RIMS2: variants seen among roughly 807,000 people sequenced by gnomAD.
RIMS2 encodes the protein regulating synaptic membrane exocytosis 2.
RIMS2 carries 59 observed loss-of-function variants against 174.4 expected under a neutral mutation model. The ratio of observed to expected loss-of-function variants is 0.34; its 90% CI spans 0.27 to 0.42. The LOEUF (loss-of-function observed/expected upper bound fraction) is 0.42. RIMS2 is among the 10% of genes least tolerant of loss of function. The pLI, the probability that RIMS2 is intolerant of heterozygous loss-of-function variation, is 1.00. For missense variants in RIMS2, 1,620 were observed against 1,666.3 expected (o/e 0.97, Z 0.48); for synonymous variants, 606 against 572.5 (o/e 1.06, Z -0.84).
intron 4 of RIMS2, among the ~76,000 whole-genome samples, chr8:103,895,399 C>G (rs961792016): frequency 1.3e-5 from 2 of 151,406 alleles, no homozygotes; most frequent in African/African-American, 4.9e-5. Context: ...AGTGGGGGCC[C>G]TCTTTCCAAG....
chr8:104,037,809 G>A (rs1217340882), intron 19 of RIMS2, among the ~76,000 whole-genome samples: 2 of 152,038 alleles, frequency 1.3e-5, no homozygotes, highest in African/African-American at 2.4e-5. Flanking sequence ...ATCTATATAT[G>A]TAGATATGTA....
In RIMS2 at chr8:103,832,487, T is replaced by G. The variant is rs530396722; in HGVS notation, c.699-52811T>G. Among the ~76,000 whole-genome samples the G allele has an allele frequency of 2.6e-5, 4 of 152,260 alleles. No individual in the cohort carries two copies. The South Asian group carries it at 8.3e-4, about 32-fold the overall frequency. On this transcript the variant is annotated intron_variant, in intron 3 of 23. Transcript: ENST00000504942. ...ACAGATTATTTCATCAACTGGGTAT[T>G]AAGCCTAGTACTCATTAGTTATTTT...
intron 19 of RIMS2, among the ~76,000 whole-genome samples, chr8:104,104,195 G>A (rs1165606712): frequency 6.6e-6 from 1 of 152,224 alleles, no homozygotes; most frequent in Admixed American, 6.5e-5. Context: ...TAAAAGTTGA[G>A]TTGGGGGTTT....
intron 1 of RIMS2, among the ~76,000 whole-genome samples, chr8:103,547,115 T>C (rs1463402423): frequency 6.6e-6 from 1 of 152,168 alleles, no homozygotes; most frequent in Non-Finnish European, 1.5e-5. Context: ...GATGTACTTT[T>C]CATGAAATCC....
chr8:103,941,478 C>CATT (rs200634540), intron 13 of RIMS2, among the ~76,000 whole-genome samples: 29,909 of 151,962 alleles, frequency 0.2, 3,588 homozygotes, highest in South Asian at 0.36. Flanking sequence ...CATAGCAAGA[C>CATT]CCTGTCTCAA....
chr8:104,124,476 G>T (rs1368705697), intron 19 of RIMS2, among the ~76,000 whole-genome samples: 2 of 151,978 alleles, frequency 1.3e-5, no homozygotes, highest in African/African-American at 4.8e-5. Context: ...CTCTACCAGG[G>T]TTCTCAAATG....
intron 16 of RIMS2, among the ~76,000 whole-genome samples, chr8:103,988,295 G>A (rs2094486061): frequency 6.6e-6 from 1 of 152,160 alleles, no homozygotes; most frequent in Non-Finnish European, 1.5e-5. Flanking sequence ...TATGCAAAGG[G>A]TGGGTCAGAC....
chr8:104,006,007 A>G (rs2095562538), intron 17 of RIMS2, among the ~76,000 whole-genome samples: 1 of 152,036 alleles, frequency 6.6e-6, no homozygotes, highest in South Asian at 2.1e-4. Context: ...ATGTGATGTA[A>G]GCCAATAACA....
chr8:104,222,624 G>C (rs1378242687), intron 19 of RIMS2, among the ~76,000 whole-genome samples: 1 of 152,140 alleles, frequency 6.6e-6, no homozygotes, highest in Non-Finnish European at 1.5e-5. Context: ...TTAGGTTCCG[G>C]GATAGAGATG....
chr8:103,820,084 A>G (rs748227116), intron 3 of RIMS2, among the ~76,000 whole-genome samples: 1 of 152,124 alleles, frequency 6.6e-6, no homozygotes, highest in Non-Finnish European at 1.5e-5. Flanking sequence ...GGGTAGCTCA[A>G]TAATCACTTT....
chr8:104,205,515 G>C (rs981490930), intron 19 of RIMS2, among the ~76,000 whole-genome samples: 1 of 152,044 alleles, frequency 6.6e-6, no homozygotes, highest in Non-Finnish European at 1.5e-5. Context: ...GTGTGTGCGC[G>C]CACATACATG....
At chr8:103,833,915 G>A (rs1471729410) in intron 3 of RIMS2, among the ~76,000 whole-genome samples, 1 of 152,134 alleles carries the variant, frequency 6.6e-6, no homozygotes, top group Non-Finnish European at 1.5e-5. Flanking sequence ...AGGTAAGTTT[G>A]AAGTGTATTT....
intron 1 of RIMS2, among the ~76,000 whole-genome samples, chr8:103,542,017 G>A (rs537986659): frequency 4.6e-5 from 7 of 152,016 alleles, no homozygotes; most frequent in Admixed American, 4.6e-4. Context: ...GACGGCTGGA[G>A]AAGGAAAAAG....
chr8:103,500,937 C>G, exon 1 of RIMS2: 1 of 1,608,330 alleles, frequency 6.2e-7, no homozygotes, highest in Non-Finnish European at 8.5e-7. Context: ...TCCCGGCGGC[C>G]TCTCAGCCGC....
At chr8:104,185,496 C>T (rs58754292) in intron 19 of RIMS2, among the ~76,000 whole-genome samples, 229 of 151,566 alleles carry the variant, frequency 1.5e-3, no homozygotes, top group African/African-American at 5.1e-3. Flanking sequence ...AAACATTATA[C>T]TAAAAGAGGG....
chr8:104,157,751 TG>T (rs1389418346), intron 19 of RIMS2, among the ~76,000 whole-genome samples: 1 of 152,228 alleles, frequency 6.6e-6, no homozygotes, highest in Non-Finnish European at 1.5e-5. Flanking sequence ...CTTCACCTTC[TG>T]GCTATTGTGA....
chr8:103,688,808 C>G (rs1265636884), intron 1 of RIMS2, among the ~76,000 whole-genome samples: 2 of 151,486 alleles, frequency 1.3e-5, no homozygotes, highest in African/African-American at 4.9e-5. Flanking sequence ...AAGAAAACAA[C>G]TCTTAGTTTT....
rs77770902 is a variant in RIMS2 at position 104,097,832 on chromosome 8, G to A, written c.3334+83217G>A. On this transcript the variant is annotated intron_variant, in intron 19 of 23. Transcript: ENST00000504942. ...TGAAGCATGGTCCAAAAGTAATTGC[G>A]GCTTTTGCCATTACTTTTAATGGCC... 8.6e-3 allele frequency among the ~76,000 whole-genome samples: 1,304 copies of A among 151,980 alleles called. 24 individuals are homozygous for A. The highest frequency in any genetic ancestry group is 0.03 in the African/African-American group (1,238 of 41,430).
At chr8:103,782,743 G>A (rs960171903) in intron 3 of RIMS2, among the ~76,000 whole-genome samples, 2 of 152,046 alleles carry the variant, frequency 1.3e-5, no homozygotes, top group Non-Finnish European at 2.9e-5. Flanking sequence ...TCATAAGTGA[G>A]TCAAACTGAG....
Sources: allele counts gnomAD v4.1 joint callset (sites outside exome capture counted in the v4.1 genomes callset), GRCh38; gene constraint gnomAD v4.1.1; transcripts MANE v1.5; gene names NCBI Gene and HGNC (gene_info 2026-07-23, HGNC 2026-07-21).